The following CSMD1 variants were observed in gnomAD, a reference collection of about 807,000 sequenced individuals.
CSMD1 encodes CUB and Sushi multiple domains 1.
A neutral mutation model predicts 417.5 loss-of-function variants in CSMD1; 213 were observed. The ratio of observed to expected loss-of-function variants is 0.51; its 90% CI spans 0.46 to 0.57. The LOEUF is 0.57. Ranked by LOEUF, CSMD1 falls within the 20% of genes least tolerant of loss-of-function variation. The pLI is 0.00. For missense variants in CSMD1, 6,923 were observed against 4,529.7 expected, an observed-to-expected ratio of 1.53 and a Z score of -15.17; for synonymous variants, 2,862 against 1,736.8, an observed-to-expected ratio of 1.65 and a Z score of -16.11.
At chr8:4,953,021 T>C (rs971240280) in intron 1 of CSMD1, among the ~76,000 whole-genome samples, 30 of 152,016 alleles carry the variant, frequency 2.0e-4, no homozygotes, top group Non-Finnish European at 8.8e-5. Context: ...GTTTTCCACA[T>C]GTGAGATGAG....
chr8:4,681,060 A>T (rs1806019778), intron 1 of CSMD1, among the ~76,000 whole-genome samples: 1 of 152,030 alleles, frequency 6.6e-6, no homozygotes, highest in Admixed American at 6.6e-5. Flanking sequence ...CAGAAAAATT[A>T]ACTTGCATTA....
chr8:3,866,746 T>G (rs1254635172), intron 5 of CSMD1, among the ~76,000 whole-genome samples: 1 of 152,206 alleles, frequency 6.6e-6, no homozygotes, highest in Non-Finnish European at 1.5e-5. Context: ...GGGATTCTCC[T>G]GATGGTACAA....
At chr8:4,491,609 T>C (rs115094432) in intron 2 of CSMD1, among the ~76,000 whole-genome samples, 2 of 152,224 alleles carry the variant, frequency 1.3e-5, no homozygotes, top group African/African-American at 4.8e-5. Flanking sequence ...TGAAAAAAGA[T>C]ACAAGGAGAG....
rs1207040888 is a variant in CSMD1, at chr8:4,230,874, A to C, written c.415+189079T>G. Reference sequence around the variant, plus strand: ...AATCGATTATAGATTCTTTAACGGCACTAACTTGAGTCACCACCAAATTCA... The same window carrying C: ...AATCGATTATAGATTCTTTAACGGCCCTAACTTGAGTCACCACCAAATTCA... On this transcript the variant is annotated intron_variant, in intron 3 of 69. Coordinates refer to ENST00000635120, the MANE Select transcript of CSMD1 (RefSeq NM_033225.6). 2.0e-5 allele frequency among the ~76,000 whole-genome samples: 3 copies of C among 152,250 alleles called. No homozygotes were observed. In the East Asian group the frequency reaches 5.8e-4, roughly 29 times the overall value.
chr8:4,125,526 C>G (rs1802713274), intron 3 of CSMD1, among the ~76,000 whole-genome samples: 3 of 152,232 alleles, frequency 2.0e-5, no homozygotes, highest in Admixed American at 2.0e-4. Context: ...CTGAGACTGT[C>G]AGGGGCGCGC....
At chr8:3,138,878 T>G (rs944288169) in intron 41 of CSMD1, among the ~76,000 whole-genome samples, 1 of 152,164 alleles carries the variant, frequency 6.6e-6, no homozygotes, top group East Asian at 1.9e-4. Flanking sequence ...AACGCTTTCA[T>G]CACAAAAGGA....
chr8:3,654,112 A>C (rs376371197), intron 7 of CSMD1, among the ~76,000 whole-genome samples: 31 of 152,314 alleles, frequency 2.0e-4, no homozygotes, highest in African/African-American at 5.5e-4. Context: ...TGTTGTCAGG[A>C]AACAGTGTAA....
chr8:4,591,126 T>C (rs1223333066), intron 2 of CSMD1, among the ~76,000 whole-genome samples: 1 of 152,204 alleles, frequency 6.6e-6, no homozygotes, highest in African/African-American at 2.4e-5. Flanking sequence ...AAGTATTGAG[T>C]TCTGAATGCA....
At chr8:3,026,711 A>T (rs1474600127) in intron 51 of CSMD1, among the ~76,000 whole-genome samples, 1 of 152,234 alleles carries the variant, frequency 6.6e-6, no homozygotes, top group African/African-American at 2.4e-5. Context: ...CTGAGCCCAG[A>T]AGCTGGGCCG....
intron 1 of CSMD1, among the ~76,000 whole-genome samples, chr8:4,928,805 C>A (rs192328962): frequency 6.6e-6 from 1 of 152,196 alleles, no homozygotes; most frequent in East Asian, 1.9e-4. Context: ...GGTGCTGGCT[C>A]ACTCCTGTAA....
chr8:4,262,844 AAACTGTCTT>A (rs1261823292), intron 3 of CSMD1, among the ~76,000 whole-genome samples: 2 of 152,194 alleles, frequency 1.3e-5, no homozygotes, highest in African/African-American at 4.8e-5. Flanking sequence ...GCTTTAATCA[AAACTGTCTT>A]TTAAGCCAAT....
At chr8:4,905,136 T>C (rs1805157355) in intron 1 of CSMD1, among the ~76,000 whole-genome samples, 2 of 152,060 alleles carry the variant, frequency 1.3e-5, no homozygotes, top group South Asian at 4.1e-4. Context: ...TTAAATGTCA[T>C]AAGGAATGAA....
chr8:4,606,607 A>G (rs558727646), intron 2 of CSMD1, among the ~76,000 whole-genome samples: 2 of 152,342 alleles, frequency 1.3e-5, no homozygotes, highest in Admixed American at 1.3e-4. Flanking sequence ...ACCACTTGAA[A>G]TTAGCAAAAC....
intron 5 of CSMD1, among the ~76,000 whole-genome samples, chr8:3,917,742 G>C (rs1808925760): frequency 1.3e-5 from 2 of 152,020 alleles, no homozygotes; most frequent in Admixed American, 6.6e-5. Flanking sequence ...CCACTCTCAA[G>C]GCCACAGACA....
intron 3 of CSMD1, among the ~76,000 whole-genome samples, chr8:4,202,076 C>T (rs771069869): frequency 2.2e-4 from 31 of 142,950 alleles, no homozygotes; most frequent in Non-Finnish European, 4.4e-4. Flanking sequence ...GCTTGCCTCT[C>T]AGTTTAAGAG....
At chr8:3,163,823 T>A (rs1051496103) in intron 37 of CSMD1, among the ~76,000 whole-genome samples, 2 of 152,004 alleles carry the variant, frequency 1.3e-5, no homozygotes, top group African/African-American at 4.8e-5. Flanking sequence ...TTATACTAAC[T>A]CCAGTCCCCA....
At chr8:3,990,869 G>A (rs1814689430) in intron 5 of CSMD1, among the ~76,000 whole-genome samples, 2 of 152,242 alleles carry the variant, frequency 1.3e-5, no homozygotes, top group East Asian at 3.9e-4. Context: ...TTCACAGAGA[G>A]CCACCTTCTT....
chr8:4,636,359 A>G (rs1356945570), intron 2 of CSMD1, among the ~76,000 whole-genome samples: 1 of 152,204 alleles, frequency 6.6e-6, no homozygotes. Flanking sequence ...TGCTTTCTTC[A>G]TTGTAAAAAC....
chr8:3,852,998 G>C (rs971756002), intron 5 of CSMD1, among the ~76,000 whole-genome samples: 8 of 152,024 alleles, frequency 5.3e-5, no homozygotes, highest in Admixed American at 3.9e-4. Flanking sequence ...TTCTTGACTT[G>C]ACATCACCTC....
Sources: allele counts gnomAD v4.1 joint callset (sites outside exome capture counted in the v4.1 genomes callset), GRCh38; gene constraint gnomAD v4.1.1; transcripts MANE v1.5; gene names NCBI Gene and HGNC (gene_info 2026-07-23, HGNC 2026-07-21).